TLL1: variants seen among roughly 807,000 people sequenced by gnomAD.
TLL1 encodes the protein tolloid-like protein 1.
TLL1 carries 49 observed loss-of-function variants against 128.2 expected under a neutral mutation model. The observed-to-expected ratio is 0.38, with a 90% confidence interval of 0.30 to 0.48. The LOEUF is 0.48. Ranked by LOEUF, TLL1 falls within the 20% of genes least tolerant of loss-of-function variation. The probability of loss-of-function intolerance (pLI) is 0.96; values close to 1 mark genes in which losing one functional copy is unlikely to be tolerated. For synonymous variants in TLL1, 454 were observed against 418.8 expected, an observed-to-expected ratio of 1.08 and a Z score of -1.03; for missense variants, 1,123 against 1,242.0, an observed-to-expected ratio of 0.90 and a Z score of 1.44.
chr4:166,073,238 C>T (rs1005514576), intron 16 of TLL1, among the ~76,000 whole-genome samples: 25 of 152,118 alleles, frequency 1.6e-4, no homozygotes, highest in Non-Finnish European at 3.1e-4. Flanking sequence ...TAACTGTCTG[C>T]ATTAGAAAAT....
At chr4:166,057,849 G>A (rs1740103997) in intron 14 of TLL1, among the ~76,000 whole-genome samples, 1 of 152,228 alleles carries the variant, frequency 6.6e-6, no homozygotes, top group East Asian at 1.9e-4. Flanking sequence ...CCATGATTCA[G>A]TTACCTCCCA....
chr4:166,056,641 G>A (rs1246724426), intron 13 of TLL1, among the ~76,000 whole-genome samples: 1 of 152,060 alleles, frequency 6.6e-6, no homozygotes, highest in Non-Finnish European at 1.5e-5. Context: ...AAGCTATAAT[G>A]TAAAATTAGC....
At chr4:166,078,421 G>T (rs1741137557) in intron 18 of TLL1, among the ~76,000 whole-genome samples, 1 of 152,144 alleles carries the variant, frequency 6.6e-6, no homozygotes, top group South Asian at 2.1e-4. Flanking sequence ...ATATTCTACT[G>T]GTTATGCCAA....
chr4:165,886,253 A>G (rs562949706), intron 1 of TLL1, among the ~76,000 whole-genome samples: 20 of 152,306 alleles, frequency 1.3e-4, no homozygotes, highest in African/African-American at 4.3e-4. Flanking sequence ...TGGTCTACCT[A>G]CAAGTGCTTC....
chr4:165,919,477 A>T (rs1732935431), intron 1 of TLL1, among the ~76,000 whole-genome samples: 1 of 151,750 alleles, frequency 6.6e-6, no homozygotes, highest in Admixed American at 6.6e-5. Context: ...ATTTTATGAT[A>T]TTATTACAAT....
At chr4:166,081,001 C>A (rs1741261204) in intron 18 of TLL1, among the ~76,000 whole-genome samples, 1 of 151,982 alleles carries the variant, frequency 6.6e-6, no homozygotes, top group Admixed American at 6.6e-5. Context: ...ACAGACTCCA[C>A]CTTAGGCAGG....
chr4:165,929,673 G>A lies in TLL1; in HGVS notation c.169+55600G>A, dbSNP rs920855892. 9.3e-4 allele frequency among the ~76,000 whole-genome samples: 142 copies of A among 152,200 alleles called. 1 individual carries two copies. Among genetic ancestry groups the A allele is most frequent in the African/African-American group, 2.1e-3 (88 of 41,530 alleles). On this transcript the variant is annotated intron_variant, in intron 1 of 20. Coordinates refer to ENST00000061240, the MANE Select transcript of TLL1 (RefSeq NM_012464.5). ...ATATCCAGATATAAAAAGAAGTTTT[G>A]TAGTAGATATCACTGTGACTTAAAG...
intron 1 of TLL1, among the ~76,000 whole-genome samples, chr4:165,982,788 A>T (rs1324711485): frequency 6.6e-6 from 1 of 151,336 alleles, no homozygotes; most frequent in Non-Finnish European, 1.5e-5. Flanking sequence ...CCAGAAAGAG[A>T]TCAAGATTTA....
At chr4:165,897,471 A>C (rs1731733041) in intron 1 of TLL1, among the ~76,000 whole-genome samples, 1 of 152,172 alleles carries the variant, frequency 6.6e-6, no homozygotes, top group African/African-American at 2.4e-5. Flanking sequence ...AACACCATTT[A>C]TTAAATAAGG....
chr4:165,974,912 G>A (rs142727741), intron 1 of TLL1, among the ~76,000 whole-genome samples: 1 of 152,128 alleles, frequency 6.6e-6, no homozygotes, highest in East Asian at 1.9e-4. Context: ...TTATTATGTC[G>A]GGAGTTCTCA....
At chr4:166,049,768 T>G (rs1739627199) in intron 12 of TLL1, among the ~76,000 whole-genome samples, 1 of 151,430 alleles carries the variant, frequency 6.6e-6, no homozygotes, top group African/African-American at 2.4e-5. Context: ...TTCCTTTTGT[T>G]TATACTATTA....
chr4:166,008,699 A>G (rs1036418209), intron 7 of TLL1, among the ~76,000 whole-genome samples: 4 of 151,562 alleles, frequency 2.6e-5, no homozygotes, highest in South Asian at 4.1e-4. Context: ...AGATGATGTC[A>G]TCAAGCAAAT....
chr4:166,062,958 C>G (rs546880364), intron 15 of TLL1, among the ~76,000 whole-genome samples: 1 of 152,246 alleles, frequency 6.6e-6, no homozygotes, highest in South Asian at 2.1e-4. Flanking sequence ...AAGGCCTTTT[C>G]TGCATCTATT....
intron 1 of TLL1, among the ~76,000 whole-genome samples, chr4:165,978,232 A>G (rs538489627): frequency 6.6e-4 from 101 of 152,086 alleles, no homozygotes; most frequent in Middle Eastern, 3.4e-3. Context: ...TTTGGGTGCC[A>G]GTGGTTTTTA....
At chr4:165,905,812 C>G (rs902857105) in intron 1 of TLL1, among the ~76,000 whole-genome samples, 1 of 152,196 alleles carries the variant, frequency 6.6e-6, no homozygotes, top group African/African-American at 2.4e-5. Flanking sequence ...TGTGTTAAAA[C>G]AAACATTAGG....
chr4:166,074,796 T>G, intron 16 of TLL1, 82 bp from the exon 17 acceptor site: 1 of 1,564,886 alleles, frequency 6.4e-7, no homozygotes, highest in Non-Finnish European at 8.8e-7. Context: ...TTTGGCAGTG[T>G]TAACCACAAC....
At chr4:165,949,032 T>C (rs1734388135) in intron 1 of TLL1, among the ~76,000 whole-genome samples, 1 of 152,122 alleles carries the variant, frequency 6.6e-6, no homozygotes, top group Non-Finnish European at 1.5e-5. Context: ...ATAGGAAGAT[T>C]ATCCTGGATT....
intron 1 of TLL1, among the ~76,000 whole-genome samples, chr4:165,931,718 C>CAAAAAAAAAAAGAAAA: frequency 7.5e-6 from 1 of 133,488 alleles, no homozygotes; most frequent in Middle Eastern, 3.7e-3. Context: ...GACTCTGTCT[C>CAAAAAAAAAAAGAAAA]AAAAGAAAAA....
At chr4:166,009,149 G>C (rs1451305120) in intron 7 of TLL1, among the ~76,000 whole-genome samples, 1 of 151,432 alleles carries the variant, frequency 6.6e-6, no homozygotes, top group East Asian at 1.9e-4. Flanking sequence ...TTTAAGTTTT[G>C]ATAGAAATAA....
Sources: allele counts gnomAD v4.1 joint callset (sites outside exome capture counted in the v4.1 genomes callset), GRCh38; gene constraint gnomAD v4.1.1; transcripts MANE v1.5; gene names NCBI Gene and HGNC (gene_info 2026-07-23, HGNC 2026-07-21).